The following TAOK1 variants were observed in gnomAD, a reference collection of about 807,000 sequenced individuals.
The protein encoded by TAOK1 is TAO kinase 1, also known as serine/threonine-protein kinase TAO1.
In TAOK1, 21 loss-of-function variants were observed where a neutral mutation model predicts 138.3. That is an observed-to-expected ratio of 0.15 (90% CI 0.11 to 0.22). The LOEUF is 0.22. Ranked by LOEUF, TAOK1 falls within the 10% of genes least tolerant of loss-of-function variation. The pLI is 1.00. For missense variants in TAOK1, 651 were observed against 1,227.7 expected, an observed-to-expected ratio of 0.53 and a Z score of 7.02; for synonymous variants, 361 against 398.4, an observed-to-expected ratio of 0.91 and a Z score of 1.12.
At chr17:29,492,838 G>A (rs934610445) in intron 10 of TAOK1, among the ~76,000 whole-genome samples, 1 of 150,524 alleles carries the variant, frequency 6.6e-6, no homozygotes, top group African/African-American at 2.4e-5. Flanking sequence ...GTTTTTGGAT[G>A]AAACAATATG....
intron 19 of TAOK1, among the ~76,000 whole-genome samples, chr17:29,538,784 T>C (rs949961803): frequency 1.3e-5 from 2 of 152,240 alleles, no homozygotes; most frequent in African/African-American, 4.8e-5. Flanking sequence ...ATCCTTCATT[T>C]ACATTAAATT....
chr17:29,510,158 C>G (rs1032491889), intron 14 of TAOK1, among the ~76,000 whole-genome samples: 1 of 151,924 alleles, frequency 6.6e-6, no homozygotes, highest in Non-Finnish European at 1.5e-5. Context: ...GGGTGGATCA[C>G]CTGAGCTCAG....
At chr17:29,468,611 G>A (rs865837807) in intron 3 of TAOK1, among the ~76,000 whole-genome samples, 2 of 151,206 alleles carry the variant, frequency 1.3e-5, no homozygotes, top group Non-Finnish European at 2.9e-5. Flanking sequence ...GCAGTGGCGC[G>A]ATCTTGGCTC....
intron 11 of TAOK1, among the ~76,000 whole-genome samples, chr17:29,496,133 T>C (rs994952081): frequency 6.6e-6 from 1 of 152,110 alleles, no homozygotes; most frequent in Non-Finnish European, 1.5e-5. Flanking sequence ...GGAGTTTTGC[T>C]CTTGTTGCCC....
At chr17:29,487,870 AC>A (rs1464604190) in intron 8 of TAOK1, among the ~76,000 whole-genome samples, 1 of 152,228 alleles carries the variant, frequency 6.6e-6, no homozygotes, top group Non-Finnish European at 1.5e-5. Context: ...GAAAAGAGAA[AC>A]TTTATCATGA....
In TAOK1 at chr17:29,543,305, ATATAT is replaced by A. The variant is rs1477493996; in HGVS notation, c.*287_*291del. The stretch of plus-strand genomic sequence containing the variant: ...TACATATATATACACACACATACAC[ATATAT>A]TATGCATGTGGTGAAAAGAATTGGC... On this transcript the variant is annotated 3_prime_UTR_variant, in exon 20 of 20. Coordinates refer to ENST00000261716, the MANE Select transcript of TAOK1 (RefSeq NM_020791.4). The A allele has an allele frequency of 2.4e-5, 5 of 209,756 alleles. No homozygotes were observed. Among genetic ancestry groups the A allele is most frequent in the Non-Finnish European group, 3.8e-5 (4 of 104,446 alleles). The allele number at this position is 209,756 out of a possible 1,614,324, so 13.0% of individuals were successfully genotyped here.
intron 8 of TAOK1, among the ~76,000 whole-genome samples, chr17:29,487,410 T>A (rs76603115): frequency 0.037 from 5,612 of 152,230 alleles, 363 homozygotes; most frequent in African/African-American, 0.13. Flanking sequence ...ATATACATCA[T>A]GTATTTGTAC....
chr17:29,547,876 G>A lies in TAOK1; in HGVS notation c.*4854G>A, dbSNP rs554843260. ...ATGAAGAGTTGGCTGTACACTTAGC[G>A]GACTTGCCTCTTGTATGCAAGGACT... On this transcript the variant is annotated 3_prime_UTR_variant, in exon 20 of 20. Coordinates refer to ENST00000261716, the MANE Select transcript of TAOK1 (RefSeq NM_020791.4). 2.0e-5 allele frequency: 3 copies of A among 152,172 alleles called. No homozygotes were observed. Among genetic ancestry groups the A allele is most frequent in the South Asian group, 2.1e-4 (1 of 4,818 alleles). 9.4% of individuals were successfully genotyped at this position (152,172 alleles called of 1,614,324 possible).
chr17:29,427,501 CAG>C (rs990798187), intron 1 of TAOK1, among the ~76,000 whole-genome samples: 14 of 133,484 alleles, frequency 1.0e-4, no homozygotes, highest in South Asian at 2.4e-4. Flanking sequence ...GAGGCTGACA[CAG>C]GGGGATCGCT....
intron 9 of TAOK1, among the ~76,000 whole-genome samples, chr17:29,491,135 A>G (rs921129841): frequency 3.3e-4 from 50 of 152,210 alleles, no homozygotes; most frequent in African/African-American, 1.2e-3. Flanking sequence ...ATTCTTGCCT[A>G]CAAGGAACTT....
chr17:29,493,388 G>A (rs2031345923), intron 10 of TAOK1, among the ~76,000 whole-genome samples: 1 of 151,524 alleles, frequency 6.6e-6, no homozygotes, highest in South Asian at 2.1e-4. Context: ...CAGCTACTCA[G>A]GAGGCTGACG....
At chr17:29,446,875 A>AT (rs960044052) in intron 1 of TAOK1, among the ~76,000 whole-genome samples, 1 of 151,260 alleles carries the variant, frequency 6.6e-6, no homozygotes, top group Non-Finnish European at 1.5e-5. Context: ...AGTAGCTGGG[A>AT]TTACAGGCGT....
intron 8 of TAOK1, among the ~76,000 whole-genome samples, chr17:29,483,499 GGAAAAT>G (rs2031107133): frequency 6.6e-6 from 1 of 151,970 alleles, no homozygotes; most frequent in Non-Finnish European, 1.5e-5. Context: ...ATAAGTATAG[GGAAAAT>G]GAGGTAAAAT....
At chr17:29,421,744 A>G (rs944578762) in intron 1 of TAOK1, among the ~76,000 whole-genome samples, 36 of 152,056 alleles carry the variant, frequency 2.4e-4, no homozygotes, top group Admixed American at 2.2e-3. Context: ...AACCACATGC[A>G]CATGCCACCA....
chr17:29,405,154 A>G (rs1465425849), intron 1 of TAOK1, among the ~76,000 whole-genome samples: 1 of 151,906 alleles, frequency 6.6e-6, no homozygotes, highest in Non-Finnish European at 1.5e-5. Flanking sequence ...TTATTTTTGT[A>G]TATATATATT....
At chr17:29,527,990 C>A (rs2032039609) in intron 17 of TAOK1, among the ~76,000 whole-genome samples, 1 of 152,120 alleles carries the variant, frequency 6.6e-6, no homozygotes, top group Non-Finnish European at 1.5e-5. Flanking sequence ...CCTCCGTTAC[C>A]ACAGAAGTTT....
chr17:29,494,799 C>G (rs113558649), intron 10 of TAOK1, among the ~76,000 whole-genome samples: 63 of 137,294 alleles, frequency 4.6e-4, no homozygotes, highest in Non-Finnish European at 7.7e-4. Flanking sequence ...GCACTCCAGC[C>G]TGGGCAACAG....
intron 1 of TAOK1, among the ~76,000 whole-genome samples, chr17:29,447,955 C>CTTTTT (rs56163080): frequency 5.4e-5 from 5 of 93,238 alleles, no homozygotes; most frequent in African/African-American, 1.3e-4. Flanking sequence ...TGCACCTGGT[C>CTTTTT]TTTTTTTTTT....
At chr17:29,455,107 C>T (rs2030341534) in intron 2 of TAOK1, among the ~76,000 whole-genome samples, 1 of 151,916 alleles carries the variant, frequency 6.6e-6, no homozygotes, top group Non-Finnish European at 1.5e-5. Context: ...GACAGGGTTT[C>T]ACCATGTTGG....
Sources: gnomAD v4.1 joint callset for allele counts (sites outside exome capture counted in the v4.1 genomes callset) on GRCh38, gnomAD v4.1.1 for gene constraint, MANE v1.5 for transcripts, NCBI Gene and HGNC (gene_info 2026-07-23, HGNC 2026-07-21) for gene names.